The following RIPOR2 variants were observed in gnomAD, a reference collection of about 807,000 sequenced individuals.
RIPOR2 encodes rho family-interacting cell polarization regulator 2.
A neutral mutation model predicts 114.5 loss-of-function variants in RIPOR2; 39 were observed. The observed-to-expected ratio is 0.34, with a 90% confidence interval of 0.26 to 0.44. RIPOR2 has a LOEUF of 0.44. Ranked by LOEUF, RIPOR2 falls within the 20% of genes least tolerant of loss-of-function variation. The probability of loss-of-function intolerance (pLI) is 1.00; values close to 1 mark genes in which losing one functional copy is unlikely to be tolerated. For missense variants in RIPOR2, 1,007 were observed against 1,255.1 expected (o/e 0.80, Z 2.99); for synonymous variants, 445 against 484.4 (o/e 0.92, Z 1.07).
chr6:24,829,222 G>C (rs1353100554), intron 17 of RIPOR2, among the ~76,000 whole-genome samples: 1 of 152,172 alleles, frequency 6.6e-6, no homozygotes, highest in African/African-American at 2.4e-5. Flanking sequence ...GCTGAGGCAG[G>C]AGGATCGCTT....
intron 1 of RIPOR2, among the ~76,000 whole-genome samples, chr6:24,958,518 G>A (rs1773148391): frequency 6.6e-6 from 1 of 152,084 alleles, no homozygotes; most frequent in African/African-American, 2.4e-5. Flanking sequence ...ATGAGAGGGG[G>A]AGAATAAACA....
chr6:24,951,851 G>T (rs1230205829), intron 1 of RIPOR2, among the ~76,000 whole-genome samples: 1 of 152,148 alleles, frequency 6.6e-6, no homozygotes, highest in Admixed American at 6.5e-5. Context: ...TACACACTGG[G>T]ATGAGGGCAT....
At chr6:24,880,457 T>C (rs2113923569) in intron 1 of RIPOR2, among the ~76,000 whole-genome samples, 1 of 152,224 alleles carries the variant, frequency 6.6e-6, no homozygotes, top group East Asian at 1.9e-4. Flanking sequence ...AGAGGTGGGA[T>C]TGAGTGGTAG....
At chr6:24,825,484 C>A in intron 18 of RIPOR2, 56 bp from the exon 19 acceptor site, 2 of 1,255,684 alleles carry the variant, frequency 1.6e-6, no homozygotes, top group South Asian at 2.6e-5. Context: ...GTAATCAGCT[C>A]ATTACAAATA....
At chr6:24,966,422 C>A (rs1167194917) in intron 1 of RIPOR2, among the ~76,000 whole-genome samples, 1 of 152,138 alleles carries the variant, frequency 6.6e-6, no homozygotes, top group East Asian at 1.9e-4. Context: ...AATTACCTAG[C>A]CTCCCTCCCC....
At chr6:25,001,151 C>CATATATGTATCTATATGCAA (rs1419485649) in intron 1 of RIPOR2, among the ~76,000 whole-genome samples, 2 of 152,166 alleles carry the variant, frequency 1.3e-5, no homozygotes, top group African/African-American at 4.8e-5. Flanking sequence ...TGCTTATACA[C>CATATATGTATCTATATGCAA]ATATTTATAT....
chr6:24,834,576 G>C (rs932048036), intron 15 of RIPOR2, among the ~76,000 whole-genome samples: 1 of 151,912 alleles, frequency 6.6e-6, no homozygotes, highest in Admixed American at 6.6e-5. Context: ...ATTCAGCATG[G>C]TAGTACAGGT....
chr6:25,024,036 G>T, intron 1 of RIPOR2: 1 of 757,814 alleles, frequency 1.3e-6, no homozygotes. Flanking sequence ...CCTTGAACCG[G>T]TTGTAGAACT....
intron 10 of RIPOR2, 52 bp from the exon 11 acceptor site, chr6:24,850,002 G>C (rs1375764311): frequency 7.4e-6 from 11 of 1,492,584 alleles, no homozygotes; most frequent in Non-Finnish European, 8.2e-6. Context: ...AGAGGAGAAA[G>C]GTAGAATAAT....
At chr6:25,008,305 C>T (rs951500738) in intron 1 of RIPOR2, among the ~76,000 whole-genome samples, 6 of 152,040 alleles carry the variant, frequency 3.9e-5, no homozygotes, top group Admixed American at 1.3e-4. Flanking sequence ...CGTGAGCCAC[C>T]GTGCCCAGCT....
chr6:25,001,723 A>G (rs112820139), intron 1 of RIPOR2, among the ~76,000 whole-genome samples: 46,194 of 134,442 alleles, frequency 0.34, 8,415 homozygotes, highest in South Asian at 0.43. Flanking sequence ...TTTTTTAAAC[A>G]TAGTCTCGCT....
In RIPOR2 at chr6:24,875,584, GC is replaced by G. The variant is rs982464368; in HGVS notation, c.188+106del. On this transcript the variant is annotated intron_variant, in intron 2 of 21. Transcript: ENST00000643898. Reference sequence around the variant, plus strand: ...TGAAAAAGATTAAAATGGGGAGGAGGCCGGGGGGCGGTTTGACAAGGCTGAA... The same window carrying G: ...TGAAAAAGATTAAAATGGGGAGGAGGCGGGGGGCGGTTTGACAAGGCTGAA... 2.8e-5 allele frequency: 27 copies of G among 960,774 alleles called. No homozygotes were observed. In the Admixed American group the frequency reaches 4.3e-4, roughly 15 times the overall value. 59.5% of individuals were successfully genotyped at this position (960,774 alleles called of 1,614,324 possible). A position where few individuals can be genotyped will look rare whatever the true frequency, so the allele number is the denominator to read the frequency against.
At chr6:24,964,147 CTGTGTGTGTGTGTGTG>C (rs70974955) in intron 1 of RIPOR2, among the ~76,000 whole-genome samples, 1 of 146,600 alleles carries the variant, frequency 6.8e-6, no homozygotes, top group Non-Finnish European at 1.5e-5. Flanking sequence ...GACATTGGCT[CTGTGTGTGTGTGTGTG>C]TGTGTGTGTG....
intron 1 of RIPOR2, among the ~76,000 whole-genome samples, chr6:25,008,325 G>T (rs1430641684): frequency 1.3e-5 from 2 of 150,224 alleles, no homozygotes; most frequent in Non-Finnish European, 2.9e-5. Context: ...TAAGTTAAGG[G>T]TCTTGAGATG....
chr6:24,928,535 A>T (rs183539317), intron 1 of RIPOR2, among the ~76,000 whole-genome samples: 31 of 152,314 alleles, frequency 2.0e-4, no homozygotes, highest in Admixed American at 7.2e-4. Flanking sequence ...TACTTCTTAC[A>T]CTGAATGAAC....
At chr6:24,924,352 T>C (rs1770707202) in intron 1 of RIPOR2, among the ~76,000 whole-genome samples, 1 of 152,176 alleles carries the variant, frequency 6.6e-6, no homozygotes, top group African/African-American at 2.4e-5. Flanking sequence ...TCAGATCTTG[T>C]GGATGTGTGA....
intron 1 of RIPOR2, among the ~76,000 whole-genome samples, chr6:24,949,806 C>G (rs1581861518): frequency 7.3e-6 from 1 of 136,140 alleles, no homozygotes. Context: ...TCAGGGAAAG[C>G]CCCTGGGTGC....
At chr6:25,001,163 T>C (rs1310824959) in intron 1 of RIPOR2, among the ~76,000 whole-genome samples, 1 of 152,238 alleles carries the variant, frequency 6.6e-6, no homozygotes, top group East Asian at 1.9e-4. Flanking sequence ...TATTTATATA[T>C]TTGCATATGT....
intron 1 of RIPOR2, among the ~76,000 whole-genome samples, chr6:24,973,873 T>C (rs746620334): frequency 7.9e-5 from 12 of 152,154 alleles, no homozygotes; most frequent in Non-Finnish European, 1.8e-4. Flanking sequence ...ATATTCTTAC[T>C]TATAAGTGGG....
Sources: gnomAD v4.1 joint callset for allele counts (sites outside exome capture counted in the v4.1 genomes callset) on GRCh38, gnomAD v4.1.1 for gene constraint, MANE v1.5 for transcripts, NCBI Gene and HGNC (gene_info 2026-07-23, HGNC 2026-07-21) for gene names.